ANKRD44: variants seen among roughly 807,000 people sequenced by gnomAD.
ANKRD44 encodes the protein serine/threonine-protein phosphatase 6 regulatory ankyrin repeat subunit B.
A neutral mutation model predicts 116.0 loss-of-function variants in ANKRD44; 35 were observed. The observed-to-expected ratio is 0.30, with a 90% CI of 0.23 to 0.40. The LOEUF is 0.40. Among genes scored for constraint, ANKRD44 ranks in the 10% least tolerant of loss-of-function variants. ANKRD44 has a pLI of 1.00. For missense variants in ANKRD44, 1,014 were observed against 1,242.6 expected (o/e 0.82, Z 2.77); for synonymous variants, 435 against 461.8 (o/e 0.94, Z 0.74).
At chr2:197,237,940 A>G (rs1203011602) in intron 1 of ANKRD44, among the ~76,000 whole-genome samples, 1 of 152,204 alleles carries the variant, frequency 6.6e-6, no homozygotes, top group Non-Finnish European at 1.5e-5. Flanking sequence ...GCTTTGGTCC[A>G]GACAATTCCC....
chr2:197,047,497 A>T (rs1490816945), intron 16 of ANKRD44, among the ~76,000 whole-genome samples: 1 of 152,228 alleles, frequency 6.6e-6, no homozygotes, highest in Non-Finnish European at 1.5e-5. Context: ...TAATGAAGAA[A>T]GAATTTATCA....
At chr2:197,052,910 C>T (rs1021208306) in intron 16 of ANKRD44, among the ~76,000 whole-genome samples, 1 of 152,034 alleles carries the variant, frequency 6.6e-6, no homozygotes, top group African/African-American at 2.4e-5. Flanking sequence ...TGGCTCATGC[C>T]TCTAATCCCA....
intron 25 of ANKRD44, among the ~76,000 whole-genome samples, chr2:196,997,962 A>G (rs959263487): frequency 6.6e-6 from 1 of 152,202 alleles, no homozygotes; most frequent in African/African-American, 2.4e-5. Context: ...AAAACAAGTA[A>G]AACTGCTTAT....
chr2:197,018,652 G>A (rs573152509), intron 17 of ANKRD44, among the ~76,000 whole-genome samples: 8 of 152,252 alleles, frequency 5.3e-5, no homozygotes, highest in South Asian at 4.1e-4. Context: ...CTTATTGTTT[G>A]TGATTGAAGG....
At chr2:197,135,713 C>G (rs2079199694) in intron 4 of ANKRD44, 1 of 152,528 alleles carries the variant, frequency 6.6e-6, no homozygotes. Flanking sequence ...GACATGTTTG[C>G]TGAACTCAGC....
intron 1 of ANKRD44, among the ~76,000 whole-genome samples, chr2:197,295,338 C>T (rs182953352): frequency 6.6e-6 from 1 of 152,132 alleles, no homozygotes; most frequent in Non-Finnish European, 1.5e-5. Context: ...CTTTGCTGAC[C>T]CTATAGTCTT....
At position 197,212,051 on chromosome 2, in the gene ANKRD44, C is replaced by CAA. The variant is rs1474088881; in HGVS notation, c.28-24946_28-24945insTT. Among the ~76,000 whole-genome samples, 1 of 112,556 alleles carries CAA rather than the reference C, an allele frequency of 8.9e-6. No homozygotes were observed. Among genetic ancestry groups the CAA allele is most frequent in the Non-Finnish European group, 2.0e-5 (1 of 50,410 alleles). 73.8% of individuals were successfully genotyped at this position (112,556 alleles called of 152,430 possible). On this transcript the variant is annotated intron_variant, in intron 1 of 27. Coordinates refer to ENST00000282272, the MANE Select transcript of ANKRD44 (RefSeq NM_001195144.2). This position sits in a 1 kb window ranked among gnomAD's most constrained non-coding sequence, Gnocchi z 4.8. ...TCTCTCTCTCTCAGTCTCTCTCTCTCTCACACACACACACACACACACACC... is the reference window on the plus strand; with the variant it reads ...TCTCTCTCTCTCAGTCTCTCTCTCTCAATCACACACACACACACACACACACC...
At chr2:197,310,280 C>T (rs1023793264) in intron 1 of ANKRD44, among the ~76,000 whole-genome samples, 74 of 149,728 alleles carry the variant, frequency 4.9e-4, no homozygotes, top group Non-Finnish European at 6.9e-4. Flanking sequence ...GAGCCCCCGG[C>T]CCCCTCCCCA....
rs560387960 is a variant in ANKRD44, at chr2:197,254,387, AAAC to A, written c.27+56188_27+56190del. On this transcript the variant is annotated intron_variant, in intron 1 of 27. Coordinates refer to ENST00000282272, the MANE Select transcript of ANKRD44 (RefSeq NM_001195144.2). ...CAATAGAGCAAGGCTCCATCTTAAA[AAAC>A]AACAACAACAAAAAAAACTTCCAAC... Among the ~76,000 whole-genome samples the A allele has an allele frequency of 9.9e-4, 149 of 149,976 alleles. 1 individual carries two copies. Among genetic ancestry groups the A allele is most frequent in the African/African-American group, 3.2e-3 (132 of 40,930 alleles).
intron 26 of ANKRD44, 49 bp from the exon 27 acceptor site, chr2:196,993,723 A>G: frequency 6.7e-7 from 1 of 1,489,170 alleles, no homozygotes; most frequent in Non-Finnish European, 9.2e-7. Context: ...TTTGGGTGAG[A>G]ATGTGGAATT....
At chr2:197,288,062 T>C (rs4850425) in intron 1 of ANKRD44, among the ~76,000 whole-genome samples, 102,858 of 148,790 alleles carry the variant, frequency 0.69, 36,557 homozygotes, top group African/African-American at 0.85. Flanking sequence ...GAAAAAAAGA[T>C]ATCTGATGTA....
intron 16 of ANKRD44, among the ~76,000 whole-genome samples, chr2:197,056,773 A>T (rs2125035673): frequency 6.6e-6 from 1 of 152,326 alleles, no homozygotes; most frequent in Middle Eastern, 3.4e-3. Flanking sequence ...TAATGACCTT[A>T]TACCCTTATC....
chr2:197,005,528 G>A (rs1478457560), intron 21 of ANKRD44, among the ~76,000 whole-genome samples, 166 bp downstream of exon 21: 4 of 152,132 alleles, frequency 2.6e-5, no homozygotes, highest in South Asian at 4.1e-4. Flanking sequence ...GTGGAGGGGT[G>A]AGAACTATTA....
At chr2:197,274,002 T>TCTATATAG (rs1559208582) in intron 1 of ANKRD44, among the ~76,000 whole-genome samples, 2 of 64,920 alleles carry the variant, frequency 3.1e-5, no homozygotes, top group African/African-American at 7.5e-5. Flanking sequence ...TATATATATA[T>TCTATATAG]ATATATATAT....
chr2:197,174,615 G>C (rs545425369), intron 2 of ANKRD44, among the ~76,000 whole-genome samples: 1 of 152,316 alleles, frequency 6.6e-6, no homozygotes, highest in South Asian at 2.1e-4. Context: ...GTTCCCCCTG[G>C]GGAGAGAGGC....
At chr2:197,289,714 C>A (rs2083507016) in intron 1 of ANKRD44, among the ~76,000 whole-genome samples, 1 of 152,190 alleles carries the variant, frequency 6.6e-6, no homozygotes, top group African/African-American at 2.4e-5. Flanking sequence ...GTAGGGAAGA[C>A]AAAGAAGCAG....
At chr2:197,132,980 T>C (rs1342262706) in intron 4 of ANKRD44, among the ~76,000 whole-genome samples, 1 of 152,216 alleles carries the variant, frequency 6.6e-6, no homozygotes, top group Non-Finnish European at 1.5e-5. Context: ...TTTCCCAGAA[T>C]TCCTTTCCCT....
In ANKRD44 at chr2:197,083,258, T is replaced by C. The variant is rs568413913; in HGVS notation, c.1457+111A>G. ...TGGAATTAAGCAAATCTAACTCTTT[T>C]GGGTTAGTCTAACTCTTTTTCCATG... On this transcript the variant is annotated intron_variant, in intron 14 of 27. Transcript: ENST00000282272. 1.4e-4 allele frequency: 185 copies of C among 1,363,204 alleles called. 1 individual carries two copies. In the South Asian group the frequency reaches 1.5e-3, roughly 11 times the overall value. The allele number at this position is 1,363,204 out of a possible 1,614,324, so 84.4% of individuals were successfully genotyped here. A position where few individuals can be genotyped will look rare whatever the true frequency, so the allele number is the denominator to read the frequency against.
chr2:197,070,396 CTAATA>C (rs1175543824), intron 16 of ANKRD44, among the ~76,000 whole-genome samples: 1 of 152,032 alleles, frequency 6.6e-6, no homozygotes, highest in Non-Finnish European at 1.5e-5. Context: ...TCCCCTCTAT[CTAATA>C]TTTCTAGGAG....
Sources: allele counts gnomAD v4.1 joint callset (sites outside exome capture counted in the v4.1 genomes callset), GRCh38; gene constraint gnomAD v4.1.1; non-coding constraint Gnocchi (gnomAD v3.1); transcripts MANE v1.5; gene names NCBI Gene and HGNC (gene_info 2026-07-23, HGNC 2026-07-21).